PLCG2: variants seen among roughly 807,000 people sequenced by gnomAD.
The protein encoded by PLCG2 is 1-phosphatidylinositol 4,5-bisphosphate phosphodiesterase gamma-2.
PLCG2 carries 69 observed loss-of-function variants against 175.6 expected under a neutral mutation model. That is an observed-to-expected ratio of 0.39 (90% confidence interval 0.32 to 0.48). PLCG2 has a LOEUF of 0.48. Ranked by LOEUF, PLCG2 falls within the 20% of genes least tolerant of loss-of-function variation. PLCG2 has a pLI of 0.91. For missense variants in PLCG2, 1,798 were observed against 1,650.9 expected, an observed-to-expected ratio of 1.09 and a Z score of -1.54; for synonymous variants, 827 against 624.0, an observed-to-expected ratio of 1.33 and a Z score of -4.85.
chr16:81,873,654 G>A (rs1234317677), intron 7 of PLCG2, among the ~76,000 whole-genome samples: 1 of 152,112 alleles, frequency 6.6e-6, no homozygotes, highest in African/African-American at 2.4e-5. Context: ...ACATGGCTGG[G>A]AGCAGTAGCT....
chr16:81,862,211 A>C (rs1156291862), intron 5 of PLCG2, among the ~76,000 whole-genome samples: 1 of 152,242 alleles, frequency 6.6e-6, no homozygotes, highest in Non-Finnish European at 1.5e-5. Flanking sequence ...GAAAGACTGA[A>C]GGCGAGAGGG....
intron 2 of PLCG2, among the ~76,000 whole-genome samples, chr16:81,844,216 A>G (rs1221360831): frequency 1.5e-5 from 2 of 134,276 alleles, no homozygotes; most frequent in East Asian, 4.4e-4. Flanking sequence ...GATGGTCTCT[A>G]TCTCCTGACC....
intron 19 of PLCG2, among the ~76,000 whole-genome samples, chr16:81,915,871 C>G (rs1479679289): frequency 1.3e-5 from 2 of 152,130 alleles, no homozygotes; most frequent in Non-Finnish European, 2.9e-5. Context: ...GATATTCTCT[C>G]TATAAAAAAT....
chr16:81,820,280 G>C (rs189578915), intron 2 of PLCG2, among the ~76,000 whole-genome samples: 28 of 152,190 alleles, frequency 1.8e-4, no homozygotes, highest in African/African-American at 6.3e-4. Context: ...CAGGAGAGAG[G>C]GTTCCCTCAC....
intron 1 of PLCG2, among the ~76,000 whole-genome samples, chr16:81,755,082 A>T (rs767623224): frequency 9.2e-5 from 14 of 152,306 alleles, no homozygotes; most frequent in Admixed American, 2.0e-4. Context: ...TAGGCATCAG[A>T]TGAGATAAAA....
chr16:81,798,222 C>G (rs1403528920), intron 2 of PLCG2, among the ~76,000 whole-genome samples: 1 of 152,204 alleles, frequency 6.6e-6, no homozygotes. Context: ...GTGATTGTCA[C>G]AAGTCCAGTA....
At chr16:81,847,429 G>A (rs76870294) in intron 2 of PLCG2, among the ~76,000 whole-genome samples, 12,549 of 152,048 alleles carry the variant, frequency 0.083, 599 homozygotes, top group Middle Eastern at 0.14. Flanking sequence ...CTTCCTGGAC[G>A]TTGGGGGTAG....
chr16:81,769,475 G>A (rs1464213736), intron 2 of PLCG2, among the ~76,000 whole-genome samples: 1 of 152,184 alleles, frequency 6.6e-6, no homozygotes, highest in Non-Finnish European at 1.5e-5. Flanking sequence ...GGCCCCCCAG[G>A]AGAGGTGAGA....
rs536095473 is a variant in PLCG2 at position 81,884,737 on chromosome 16, G to C, written c.765+1396G>C. On this transcript the variant is annotated intron_variant, in intron 9 of 32. Coordinates refer to ENST00000564138, the MANE Select transcript of PLCG2 (RefSeq NM_002661.5). Reference sequence around the variant, plus strand: ...TTTTTTAAATAGAGTTTATATTTTAGAGTAGTTTTAGGGTTGCAGCAAAAA... The same window carrying C: ...TTTTTTAAATAGAGTTTATATTTTACAGTAGTTTTAGGGTTGCAGCAAAAA... Among the ~76,000 whole-genome samples, 8 of 151,410 alleles carry C rather than the reference G, an allele frequency of 5.3e-5. No individual in the cohort carries two copies. The South Asian group carries it at 6.3e-4, about 12-fold the overall frequency.
At chr16:81,766,894 C>G (rs1184956882) in intron 2 of PLCG2, 2 of 152,198 alleles carry the variant, frequency 1.3e-5, no homozygotes, top group Non-Finnish European at 1.5e-5. Flanking sequence ...CACAGAAGAT[C>G]TTTTCCAAAC....
In PLCG2 at chr16:81,923,561, T is replaced by A. The variant is rs1357062302; in HGVS notation, c.2384T>A (p.Leu795His). 6 of 1,613,236 alleles carry A rather than the reference T, an allele frequency of 3.7e-6. No homozygotes were observed. Among genetic ancestry groups the A allele is most frequent in the Non-Finnish European group, 5.1e-6 (6 of 1,179,292 alleles). Residue 795 changes from leucine to histidine, a missense_variant, in exon 22 of 33, where the codon CTC becomes CAC. By Grantham distance (99) the Leu-to-His change is moderately conservative. Coordinates refer to ENST00000564138, the MANE Select transcript of PLCG2 (RefSeq NM_002661.5). Reference sequence around the variant, plus strand: ...GAGCTGAGCTTCTGCCGTGGTGCCCTCATCCACAATGTCTCCAAGGAGCCC... The same window carrying A: ...GAGCTGAGCTTCTGCCGTGGTGCCCACATCCACAATGTCTCCAAGGAGCCC... ...SDELSFCRGA[L>H]IHNVSKEPGG...
At chr16:81,901,637 T>C (rs1909156438) in intron 14 of PLCG2, among the ~76,000 whole-genome samples, 2 of 152,366 alleles carry the variant, frequency 1.3e-5, no homozygotes, top group South Asian at 4.1e-4. Flanking sequence ...ACTTAATACT[T>C]CCTTCCATTG....
chr16:81,799,650 T>A (rs1018374827), intron 2 of PLCG2, among the ~76,000 whole-genome samples: 4 of 145,706 alleles, frequency 2.7e-5, no homozygotes, highest in Non-Finnish European at 6.0e-5. Flanking sequence ...CCAGGTGCAA[T>A]GGCACCATCT....
At chr16:81,889,493 G>A (rs1485709612) in intron 10 of PLCG2, 3 of 469,890 alleles carry the variant, frequency 6.4e-6, no homozygotes, top group Non-Finnish European at 1.2e-5. Context: ...CATTTTGCCT[G>A]CTGCCTAGAC....
chr16:81,761,410 T>C (rs1910038722), intron 2 of PLCG2, among the ~76,000 whole-genome samples: 1 of 152,200 alleles, frequency 6.6e-6, no homozygotes, highest in Non-Finnish European at 1.5e-5. Flanking sequence ...GTAAGTGTAT[T>C]GTAATTATGA....
chr16:81,957,970 G>C lies in PLCG2; in HGVS notation c.3770G>C (p.Arg1257Thr). ...TTTTATTTCAGGTTAAGAGAGAAGAGAGTCAGCAACAGCAAGTTTTACTCA... is the reference window on the plus strand; with the variant it reads ...TTTTATTTCAGGTTAAGAGAGAAGACAGTCAGCAACAGCAAGTTTTACTCA... ...EKCNKRLREK[R>T]VSNSKFYS is the part of the protein sequence containing the mutation. Residue 1257 changes from arginine to threonine, a missense_variant, in exon 33 of 33, where the codon AGA becomes ACA. Coordinates refer to ENST00000564138, the MANE Select transcript of PLCG2 (RefSeq NM_002661.5). 6.2e-7 allele frequency: 1 copy of C among 1,613,836 alleles called. No homozygotes were observed. Among genetic ancestry groups the C allele is most frequent in the Non-Finnish European group, 8.5e-7 (1 of 1,179,712 alleles).
chr16:81,905,333 A>T, intron 14 of PLCG2, 70 bp from the exon 15 acceptor site: 1 of 1,027,618 alleles, frequency 9.7e-7, no homozygotes, highest in Non-Finnish European at 1.5e-6. Context: ...GAGGCAGATG[A>T]AGGCTGCTGG....
At chr16:81,797,831 T>C (rs1911540216) in intron 2 of PLCG2, among the ~76,000 whole-genome samples, 1 of 148,696 alleles carries the variant, frequency 6.7e-6, no homozygotes, top group African/African-American at 2.5e-5. Context: ...TTTTCTTTTT[T>C]CTTGTCTTTT....
At chr16:81,916,728 C>G (rs933705419) in intron 19 of PLCG2, among the ~76,000 whole-genome samples, 2 of 152,106 alleles carry the variant, frequency 1.3e-5, no homozygotes, top group African/African-American at 4.8e-5. Context: ...ACCTGCACCT[C>G]CTGGGTTCAA....
Sources: gnomAD v4.1 joint callset for allele counts (sites outside exome capture counted in the v4.1 genomes callset) on GRCh38, gnomAD v4.1.1 for gene constraint, MANE v1.5 for transcripts, NCBI Gene and HGNC (gene_info 2026-07-23, HGNC 2026-07-21) for gene names.